SULF1: variants seen among roughly 807,000 people sequenced by gnomAD.
The protein encoded by SULF1 is extracellular sulfatase Sulf-1.
In SULF1, 46 loss-of-function variants were observed where a neutral mutation model predicts 110.5. The ratio of observed to expected loss-of-function variants is 0.42; its 90% CI spans 0.33 to 0.53. SULF1 has a LOEUF of 0.53. Ranked by LOEUF, SULF1 falls within the 20% of genes least tolerant of loss-of-function variation. The pLI, the probability that SULF1 is intolerant of heterozygous loss-of-function variation, is 0.12. For synonymous variants in SULF1, 371 were observed against 387.1 expected (o/e 0.96, Z 0.49); for missense variants, 941 against 1,094.2 (o/e 0.86, Z 1.98).
chr8:69,486,561 A>G (rs569755902), intron 1 of SULF1, among the ~76,000 whole-genome samples: 39 of 152,288 alleles, frequency 2.6e-4, no homozygotes, highest in African/African-American at 9.4e-4. Context: ...AGTTTTTGGT[A>G]AAGAGCTAAA....
intron 22 of SULF1, chr8:69,642,284 T>A: frequency 1.0e-6 from 1 of 987,340 alleles, no homozygotes; most frequent in Non-Finnish European, 1.2e-6. Flanking sequence ...TGGTCTCAGA[T>A]GCTTCCTTTT....
intron 22 of SULF1, among the ~76,000 whole-genome samples, chr8:69,645,331 CTAAAG>C (rs780737540): frequency 6.6e-6 from 1 of 152,106 alleles, no homozygotes; most frequent in Non-Finnish European, 1.5e-5. Flanking sequence ...AGAGAAGAAA[CTAAAG>C]TATAGCACGT....
intron 3 of SULF1, among the ~76,000 whole-genome samples, chr8:69,557,592 AG>A (rs1223638373): frequency 6.6e-6 from 1 of 152,196 alleles, no homozygotes; most frequent in Non-Finnish European, 1.5e-5. Flanking sequence ...GAAGACAGAG[AG>A]AAAACCTAGA....
chr8:69,550,142 T>A (rs75038994), intron 3 of SULF1, among the ~76,000 whole-genome samples: 1 of 151,596 alleles, frequency 6.6e-6, no homozygotes, highest in East Asian at 1.9e-4. Context: ...AGAGTGTAAA[T>A]GCACTTCAAG....
At chr8:69,607,963 G>T (rs1041217139) in intron 13 of SULF1, among the ~76,000 whole-genome samples, 18 of 152,106 alleles carry the variant, frequency 1.2e-4, no homozygotes, top group African/African-American at 4.3e-4. Context: ...ACTCCATGGG[G>T]AACAAAGGGA....
At chr8:69,611,512 T>C (rs894538739) in intron 13 of SULF1, among the ~76,000 whole-genome samples, 2 of 152,196 alleles carry the variant, frequency 1.3e-5, no homozygotes, top group Non-Finnish European at 2.9e-5. Context: ...CTAATTCATA[T>C]TTGTGAGAGA....
chr8:69,595,394 C>T (rs1807226632), intron 8 of SULF1, among the ~76,000 whole-genome samples: 1 of 152,180 alleles, frequency 6.6e-6, no homozygotes, highest in African/African-American at 2.4e-5. Flanking sequence ...CATTAAAAGA[C>T]TCTGAATTAT....
chr8:69,487,265 A>G (rs1329597611), intron 1 of SULF1, among the ~76,000 whole-genome samples: 3 of 152,254 alleles, frequency 2.0e-5, no homozygotes, highest in Non-Finnish European at 4.4e-5. Context: ...CATTTCTCAT[A>G]AAGATGCCTG....
intron 22 of SULF1, among the ~76,000 whole-genome samples, chr8:69,647,540 G>C (rs1419107168): frequency 1.3e-5 from 2 of 152,020 alleles, no homozygotes; most frequent in African/African-American, 4.8e-5. Context: ...TCTTCTGGTT[G>C]CTCTGCCTGT....
chr8:69,500,292 A>G (rs896124210), intron 2 of SULF1, among the ~76,000 whole-genome samples: 6 of 152,144 alleles, frequency 3.9e-5, no homozygotes, highest in African/African-American at 1.4e-4. Flanking sequence ...TAATCCTCAC[A>G]TCAACCCTAT....
intron 13 of SULF1, among the ~76,000 whole-genome samples, chr8:69,606,580 T>G (rs762095252): frequency 1.3e-5 from 2 of 152,220 alleles, no homozygotes; most frequent in Non-Finnish European, 2.9e-5. Flanking sequence ...TAAGGTACAC[T>G]GCCTACATTT....
chr8:69,525,386 G>T (rs1296230369), intron 3 of SULF1, among the ~76,000 whole-genome samples: 1 of 152,166 alleles, frequency 6.6e-6, no homozygotes, highest in African/African-American at 2.4e-5. Context: ...TTTCCCTGGA[G>T]TAAGTTTCCT....
Position 69,505,664 on chromosome 8 carries a change from TC to T in SULF1, c.-134+3698del, listed in dbSNP as rs568140920. 3.7e-3 allele frequency among the ~76,000 whole-genome samples: 567 copies of T among 152,304 alleles called. 2 individuals are homozygous for T. Among genetic ancestry groups the T allele is most frequent in the Middle Eastern group, 0.01 (3 of 294 alleles). On this transcript the variant is annotated intron_variant, in intron 3 of 22. Transcript: ENST00000402687. ...TATCAGATGTGGACCCTAAAACTTA[TC>T]CTTGTCTTGCTTTAAGTGCATATTG...
chr8:69,479,049 G>C (rs974695265), intron 1 of SULF1, among the ~76,000 whole-genome samples: 2 of 152,126 alleles, frequency 1.3e-5, no homozygotes, highest in African/African-American at 2.4e-5. Context: ...CAGATTTTTT[G>C]TTTCCATCTT....
At chr8:69,497,155 CT>C (rs5892193) in intron 2 of SULF1, among the ~76,000 whole-genome samples, 4,333 of 121,638 alleles carry the variant, frequency 0.036, 122 homozygotes, top group East Asian at 0.098. Flanking sequence ...GTTCTTTTCT[CT>C]TTTTTTTTTT....
chr8:69,635,028 T>G (rs1810875668), intron 19 of SULF1, among the ~76,000 whole-genome samples: 1 of 152,220 alleles, frequency 6.6e-6, no homozygotes, highest in Non-Finnish European at 1.5e-5. Context: ...ACTCCTGAAC[T>G]CAGGTGATCC....
intron 3 of SULF1, among the ~76,000 whole-genome samples, chr8:69,538,931 T>C (rs2150664153): frequency 6.6e-6 from 1 of 152,328 alleles, no homozygotes; most frequent in Non-Finnish European, 1.5e-5. Context: ...GACCTTGTGA[T>C]CTGCCGGCTT....
chr8:69,570,921 G>A (rs989194201), intron 5 of SULF1, among the ~76,000 whole-genome samples: 2 of 152,172 alleles, frequency 1.3e-5, no homozygotes, highest in Non-Finnish European at 2.9e-5. Flanking sequence ...CTCTCATCAA[G>A]CCAGCCCAGT....
At chr8:69,624,621 T>G (rs1316413470) in intron 15 of SULF1, among the ~76,000 whole-genome samples, 1 of 152,196 alleles carries the variant, frequency 6.6e-6, no homozygotes, top group Non-Finnish European at 1.5e-5. Context: ...TTGGAGCAGT[T>G]GTGTAGTCAC....
Sources: allele counts gnomAD v4.1 joint callset (sites outside exome capture counted in the v4.1 genomes callset), GRCh38; gene constraint gnomAD v4.1.1; transcripts MANE v1.5; gene names NCBI Gene and HGNC (gene_info 2026-07-23, HGNC 2026-07-21).